DAB1: variants seen among roughly 807,000 people sequenced by gnomAD.
The protein encoded by DAB1 is DAB adaptor protein 1, also known as disabled homolog 1.
In DAB1, 15 loss-of-function variants were observed where a neutral mutation model predicts 64.6. The observed-to-expected ratio is 0.23, with a 90% CI of 0.16 to 0.36. The LOEUF (loss-of-function observed/expected upper bound fraction) is 0.36. Among genes scored for constraint, DAB1 ranks in the 10% least tolerant of loss-of-function variants. The pLI, the probability that DAB1 is intolerant of heterozygous loss-of-function variation, is 1.00. For synonymous variants in DAB1, 235 were observed against 251.9 expected (o/e 0.93, Z 0.64); for missense variants, 596 against 706.7 (o/e 0.84, Z 1.78).
chr1:57,923,455 C>A (rs1644838195), intron 5 of DAB1, among the ~76,000 whole-genome samples: 1 of 152,172 alleles, frequency 6.6e-6, no homozygotes. Flanking sequence ...TAGTGGCAAA[C>A]ATTAGGCTGC....
At chr1:58,421,708 G>A (rs994717015) in intron 3 of DAB1, among the ~76,000 whole-genome samples, 1 of 152,174 alleles carries the variant, frequency 6.6e-6, no homozygotes, top group Non-Finnish European at 1.5e-5. Flanking sequence ...ATTCACAAAC[G>A]AGGGGAGGGC....
intron 3 of DAB1, chr1:58,468,692 AG>A (rs1645322311): frequency 6.6e-6 from 1 of 152,372 alleles, no homozygotes; most frequent in Non-Finnish European, 1.5e-5. Context: ...AGGAGGAAGT[AG>A]GAAGAGCTGT....
intron 7 of DAB1, among the ~76,000 whole-genome samples, chr1:57,478,809 C>A (rs1643973239): frequency 6.6e-6 from 1 of 151,346 alleles, no homozygotes; most frequent in African/African-American, 2.4e-5. Flanking sequence ...ACCATGTGTG[C>A]CAGGCTTGTC....
intron 3 of DAB1, among the ~76,000 whole-genome samples, chr1:58,344,612 G>A (rs949341275): frequency 1.3e-5 from 2 of 152,162 alleles, no homozygotes; most frequent in African/African-American, 4.8e-5. Flanking sequence ...AGCCCCTTCT[G>A]GATATAAAAC....
chr1:57,289,048 T>C (rs970228462), intron 2 of DAB1, among the ~76,000 whole-genome samples: 34 of 152,142 alleles, frequency 2.2e-4, no homozygotes, highest in African/African-American at 8.2e-4. Flanking sequence ...CCAAATCCCA[T>C]GATATTAGCC....
At position 57,371,763 on chromosome 1, in the gene DAB1, G is replaced by A. The variant is rs537240742; in HGVS notation, c.-137+52167C>T. 1.1e-4 allele frequency among the ~76,000 whole-genome samples: 16 copies of A among 152,280 alleles called. No homozygotes were observed. In the South Asian group the frequency reaches 3.3e-3, roughly 32 times the overall value. On this transcript the variant is annotated intron_variant, in intron 1 of 14. Coordinates refer to ENST00000371236, the MANE Select transcript of DAB1 (RefSeq NM_001365792.1). Reference sequence around the variant, plus strand: ...TGTATGTAGAACATTGAAGATCTTTGTTTGGCCACCACTTTAAGGCAGTGA... The same window carrying A: ...TGTATGTAGAACATTGAAGATCTTTATTTGGCCACCACTTTAAGGCAGTGA...
At chr1:57,624,437 A>G (rs995601381) in intron 7 of DAB1, among the ~76,000 whole-genome samples, 2 of 152,154 alleles carry the variant, frequency 1.3e-5, no homozygotes, top group South Asian at 2.1e-4. Flanking sequence ...GGCATACTCA[A>G]TGAGACAAGG....
intron 2 of DAB1, among the ~76,000 whole-genome samples, chr1:57,246,968 G>C (rs1668933639): frequency 6.6e-6 from 1 of 152,150 alleles, no homozygotes; most frequent in Non-Finnish European, 1.5e-5. Flanking sequence ...ATTGTATCTT[G>C]GAAATAACTA....
chr1:57,991,228 A>G (rs967793998), intron 5 of DAB1, among the ~76,000 whole-genome samples: 1 of 152,210 alleles, frequency 6.6e-6, no homozygotes, highest in African/African-American at 2.4e-5. Flanking sequence ...TTAATAAAAC[A>G]TTACATTACC....
At chr1:57,479,749 C>T (rs1338675535) in intron 7 of DAB1, among the ~76,000 whole-genome samples, 1 of 152,100 alleles carries the variant, frequency 6.6e-6, no homozygotes, top group Non-Finnish European at 1.5e-5. Context: ...GAGCATCTTC[C>T]TCTATCTCTC....
downstream of DAB1, among the ~76,000 whole-genome samples, chr1:57,823,753 C>T (rs941623916): frequency 2.6e-5 from 4 of 152,076 alleles, no homozygotes; most frequent in African/African-American, 9.7e-5. Context: ...TTGGGGCCCC[C>T]ATTCTCTGGG....
Position 57,071,713 on chromosome 1 carries a change from C to T in DAB1, c.439-72G>A, listed in dbSNP as rs1184354895. The T allele has an allele frequency of 1.7e-5, 25 of 1,430,856 alleles. No individual in the cohort carries two copies. In the East Asian group the frequency reaches 2.9e-4, roughly 17 times the overall value. The allele number at this position is 1,430,856 out of a possible 1,614,324, so 88.6% of individuals were successfully genotyped here. A position where few individuals can be genotyped will look rare whatever the true frequency, so the allele number is the denominator to read the frequency against. ...ACGCAGCAACAAATTTTTGTTTTTG[C>T]GGCGACAACCCGCAGCCCTTCCTTT... On this transcript the variant is annotated intron_variant, in intron 5 of 14. Transcript: ENST00000371236.
At chr1:57,898,671 C>T (rs937283046) in intron 5 of DAB1, among the ~76,000 whole-genome samples, 2 of 152,178 alleles carry the variant, frequency 1.3e-5, no homozygotes, top group African/African-American at 4.8e-5. Flanking sequence ...CGCTTCTCAG[C>T]TTATGATCCC....
intron 4 of DAB1, among the ~76,000 whole-genome samples, chr1:58,230,252 C>G (rs1421909758): frequency 6.6e-6 from 1 of 152,172 alleles, no homozygotes; most frequent in Admixed American, 6.5e-5. Flanking sequence ...TAAAGGCCAG[C>G]TGGTCTGGGA....
At position 58,264,232 on chromosome 1, in the gene DAB1, C is replaced by A. The variant is rs545447874; in HGVS notation, n.309+79120G>T. On this transcript the variant is annotated intron_variant and non_coding_transcript_variant, in intron 4 of 20. Transcript: ENST00000485760. ...CATAAAGTGCTCAGCACAGAGTCTG[C>A]AACATAGCAAACATTTATTAAATAT... Among the ~76,000 whole-genome samples, 15 of 152,272 alleles carry A rather than the reference C, an allele frequency of 9.9e-5. No individual in the cohort carries two copies. The East Asian group carries it at 2.9e-3, about 29-fold the overall frequency.
chr1:57,504,005 G>T (rs1168671502), intron 7 of DAB1, among the ~76,000 whole-genome samples: 2 of 152,146 alleles, frequency 1.3e-5, no homozygotes, highest in African/African-American at 4.8e-5. Flanking sequence ...TTAGAATAGT[G>T]CATATAGTAC....
chr1:58,435,347 T>C (rs1055705464), intron 3 of DAB1, among the ~76,000 whole-genome samples: 2 of 152,206 alleles, frequency 1.3e-5, no homozygotes, highest in Admixed American at 6.5e-5. Context: ...CTCACCAATT[T>C]TCTTTTCTTT....
rs545111546 is a variant in DAB1, at chr1:57,471,968, T to G, written n.625+177624A>C. On this transcript the variant is annotated intron_variant and non_coding_transcript_variant, in intron 7 of 20. Coordinates refer to the DAB1 transcript ENST00000485760. ...TTGAGTGTAGACTGGAGAAATCAAGTCTTGCAGAAGAGAAAATCTAGGATT... is the reference window on the plus strand; with the variant it reads ...TTGAGTGTAGACTGGAGAAATCAAGGCTTGCAGAAGAGAAAATCTAGGATT... Among the ~76,000 whole-genome samples the G allele has an allele frequency of 2.0e-5, 3 of 152,286 alleles. No homozygotes were observed. In the South Asian group the frequency reaches 6.2e-4, roughly 32 times the overall value.
intron 5 of DAB1, among the ~76,000 whole-genome samples, chr1:58,126,667 T>C (rs1653120777): frequency 2.1e-5 from 3 of 146,040 alleles, no homozygotes; most frequent in Admixed American, 7.1e-5. Context: ...GTCCATGTGA[T>C]CTCATTGTTC....
Sources: allele counts gnomAD v4.1 joint callset (sites outside exome capture counted in the v4.1 genomes callset), GRCh38; gene constraint gnomAD v4.1.1; transcripts MANE v1.5; gene names NCBI Gene and HGNC (gene_info 2026-07-23, HGNC 2026-07-21).